Variants in ACTR3 observed in about 807,000 individuals in gnomAD.
ACTR3 encodes actin related protein 3.
ACTR3 carries 12 observed loss-of-function variants against 56.8 expected under a neutral mutation model. That is an observed-to-expected ratio of 0.21 (90% CI 0.14 to 0.34). The LOEUF (loss-of-function observed/expected upper bound fraction) is 0.34, where lower values mean the gene tolerates loss of function less well. Among genes scored for constraint, ACTR3 ranks in the 10% least tolerant of loss-of-function variants. The probability of loss-of-function intolerance (pLI) is 1.00; values close to 1 mark genes in which losing one functional copy is unlikely to be tolerated. For missense variants in ACTR3, 282 were observed against 512.5 expected (o/e 0.55, Z 4.34); for synonymous variants, 162 against 167.4 (o/e 0.97, Z 0.25).
chr2:113,926,896 A>G (rs892429728), intron 3 of ACTR3, among the ~76,000 whole-genome samples: 2 of 115,876 alleles, frequency 1.7e-5, no homozygotes, highest in African/African-American at 2.6e-5. Flanking sequence ...GATTCTTACA[A>G]TTATTCTAGG....
chr2:113,955,462 C>T (rs894129671), intron 10 of ACTR3, 161 bp from the exon 11 acceptor site: 1 of 556,238 alleles, frequency 1.8e-6, no homozygotes, highest in Admixed American at 3.2e-5. Context: ...GTTCCCAACC[C>T]CTTTCCTCTG....
At chr2:113,956,870 A>C (rs1680224969) in intron 11 of ACTR3, among the ~76,000 whole-genome samples, 1 of 152,198 alleles carries the variant, frequency 6.6e-6, no homozygotes, top group South Asian at 2.1e-4. Context: ...TTGCCTTGAG[A>C]AATGAGGTAA....
intron 6 of ACTR3, 31 bp from the exon 7 acceptor site, chr2:113,939,928 G>A (rs760404018): frequency 1.9e-6 from 3 of 1,552,898 alleles, no homozygotes; most frequent in African/African-American, 1.4e-5. Flanking sequence ...AACATTGAAA[G>A]TAAATTTGGT....
intron 7 of ACTR3, among the ~76,000 whole-genome samples, chr2:113,940,389 A>G: frequency 6.6e-6 from 1 of 151,396 alleles, no homozygotes; most frequent in East Asian, 1.9e-4. Flanking sequence ...TTTATTAAAA[A>G]TAAATAATTA....
intron 7 of ACTR3, among the ~76,000 whole-genome samples, chr2:113,940,941 C>T (rs1454152216): frequency 6.6e-6 from 1 of 151,916 alleles, no homozygotes; most frequent in African/African-American, 2.4e-5. Flanking sequence ...CCGCGTCAGC[C>T]TCCTGAGTAG....
Position 113,934,262 on chromosome 2 carries a change from CT to C in ACTR3, c.433-14del, listed in dbSNP as rs1679784681. On this transcript the variant is annotated splice_polypyrimidine_tract_variant and intron_variant, in intron 5 of 11. Transcript: ENST00000263238. The stretch of plus-strand genomic sequence containing the variant: ...TTTTTTTTGTTTTTTTGCCTTTCTT[CT>C]TTCTTTGTGCTCAAGGCTGTTCTTG... The C allele has an allele frequency of 2.0e-6, 2 of 1,015,974 alleles. No individual in the cohort carries two copies. Among genetic ancestry groups the C allele is most frequent in the Non-Finnish European group, 2.5e-6 (2 of 786,714 alleles). The allele number at this position is 1,015,974 out of a possible 1,614,324, so 62.9% of individuals were successfully genotyped here. A position where few individuals can be genotyped will look rare whatever the true frequency, so the allele number is the denominator to read the frequency against.
At chr2:113,922,456 G>A (rs1679528177) in intron 3 of ACTR3, among the ~76,000 whole-genome samples, 1 of 152,182 alleles carries the variant, frequency 6.6e-6, no homozygotes, top group African/African-American at 2.4e-5. Flanking sequence ...GGCTTCTGCT[G>A]CTTCTGCGAA....
intron 6 of ACTR3, among the ~76,000 whole-genome samples, chr2:113,935,464 G>C (rs970978509): frequency 3.9e-5 from 6 of 152,178 alleles, no homozygotes; most frequent in Admixed American, 1.3e-4. Flanking sequence ...AAACACTGTG[G>C]TCTTTTGTAA....
At chr2:113,937,445 C>CCATA (rs1679850108) in intron 6 of ACTR3, among the ~76,000 whole-genome samples, 1 of 152,166 alleles carries the variant, frequency 6.6e-6, no homozygotes, top group African/African-American at 2.4e-5. Context: ...ATATCTAGTG[C>CCATA]TCTCTATTCC....
chr2:113,910,446 A>C (rs1679286379), intron 1 of ACTR3, among the ~76,000 whole-genome samples: 3 of 152,134 alleles, frequency 2.0e-5, no homozygotes, highest in African/African-American at 7.2e-5. Flanking sequence ...CCACTTTAGC[A>C]AATTAATTGA....
Position 113,910,334 on chromosome 2 carries a change from A to G in ACTR3, c.45-2838A>G, listed in dbSNP as rs138706786. Among the ~76,000 whole-genome samples, 401 of 152,272 alleles carry G rather than the reference A, an allele frequency of 2.6e-3. 2 individuals are homozygous for G. Among genetic ancestry groups the G allele is most frequent in the African/African-American group, 9.3e-3 (385 of 41,538 alleles). On this transcript the variant is annotated intron_variant, in intron 1 of 11. Coordinates refer to ENST00000263238, the MANE Select transcript of ACTR3 (RefSeq NM_005721.5). ...ACGCTCGAGAGGGTGTGGAACGTCT[A>G]CGTCTCTTCCTACACACCTCACCCT...
chr2:113,913,235 T>C lies in ACTR3; in HGVS notation c.100+8T>C. 6.3e-7 allele frequency: 1 copy of C among 1,580,060 alleles called. No individual in the cohort carries two copies. Among genetic ancestry groups the C allele is most frequent in the East Asian group, 2.3e-5 (1 of 43,158 alleles). On this transcript the variant is annotated splice_region_variant and intron_variant, in intron 2 of 11. Coordinates refer to ENST00000263238, the MANE Select transcript of ACTR3 (RefSeq NM_005721.5). ...AGTTTATCATCCCTTCCTGTAAGTA[T>C]TTCTTTTAAGCCACAAATGAGCTGA...
At chr2:113,897,680 C>T (rs192180317) in intron 1 of ACTR3, among the ~76,000 whole-genome samples, 2 of 152,030 alleles carry the variant, frequency 1.3e-5, no homozygotes. Flanking sequence ...GCACCCGCCA[C>T]GATGCCTGGC....
intron 3 of ACTR3, among the ~76,000 whole-genome samples, chr2:113,918,461 G>A (rs1179834958): frequency 6.7e-6 from 1 of 149,804 alleles, no homozygotes; most frequent in Non-Finnish European, 1.5e-5. Flanking sequence ...ATGACTCACT[G>A]CAGCCTTGAA....
chr2:113,894,827 G>T (rs902195755), intron 1 of ACTR3, among the ~76,000 whole-genome samples: 3 of 152,130 alleles, frequency 2.0e-5, no homozygotes, highest in Non-Finnish European at 2.9e-5. Flanking sequence ...CCTGGCAGGT[G>T]GTTCGATCTG....
At chr2:113,924,803 A>AC (rs1679586215) in intron 3 of ACTR3, among the ~76,000 whole-genome samples, 1 of 152,170 alleles carries the variant, frequency 6.6e-6, no homozygotes, top group African/African-American at 2.4e-5. Context: ...AGAAAGCAGA[A>AC]CTGAGTTAAG....
At chr2:113,937,907 TG>T (rs921502910) in intron 6 of ACTR3, among the ~76,000 whole-genome samples, 42 of 152,174 alleles carry the variant, frequency 2.8e-4, no homozygotes, top group African/African-American at 8.9e-4. Context: ...GGAAAGTTTT[TG>T]TCTGTTACTG....
At chr2:113,943,489 A>G (rs1053873718) in intron 8 of ACTR3, among the ~76,000 whole-genome samples, 2 of 152,190 alleles carry the variant, frequency 1.3e-5, no homozygotes, top group Admixed American at 6.5e-5. Context: ...ACCATATTAG[A>G]AAGGTTACTC....
intron 1 of ACTR3, among the ~76,000 whole-genome samples, chr2:113,903,191 G>C (rs1318936849): frequency 6.6e-6 from 1 of 152,106 alleles, no homozygotes; most frequent in Non-Finnish European, 1.5e-5. Flanking sequence ...TTATTTATCA[G>C]GTTCTATTTT....
Sources: gnomAD v4.1 joint callset for allele counts (sites outside exome capture counted in the v4.1 genomes callset) on GRCh38, gnomAD v4.1.1 for gene constraint, MANE v1.5 for transcripts, NCBI Gene and HGNC (gene_info 2026-07-23, HGNC 2026-07-21) for gene names.